The following FOXP2 variants were observed in gnomAD, a reference collection of about 807,000 sequenced individuals.
FOXP2 encodes the protein forkhead box P2, also known as forkhead box protein P2.
In FOXP2, 12 loss-of-function variants were observed where a neutral mutation model predicts 115.8. That is an observed-to-expected ratio of 0.10 (90% CI 0.07 to 0.17). The LOEUF is 0.17. Among genes scored for constraint, FOXP2 ranks in the 10% least tolerant of loss-of-function variants. The probability of loss-of-function intolerance (pLI) is 1.00; values close to 1 mark genes in which losing one functional copy is unlikely to be tolerated. For missense variants in FOXP2, 629 were observed against 843.5 expected (o/e 0.75, Z 3.15); for synonymous variants, 328 against 297.7 (o/e 1.10, Z -1.05).
intron 1 of FOXP2, among the ~76,000 whole-genome samples, chr7:114,098,416 A>T (rs2129140221): frequency 1.3e-5 from 2 of 152,348 alleles, no homozygotes; most frequent in South Asian, 4.1e-4. Context: ...GAGCCTGGAA[A>T]TAAATCCAAA....
intron 2 of FOXP2, among the ~76,000 whole-genome samples, chr7:114,491,847 A>G (rs2129244411): frequency 6.6e-6 from 1 of 152,260 alleles, no homozygotes; most frequent in East Asian, 1.9e-4. Context: ...ATCGATGTTC[A>G]TCAGGGATAT....
intron 2 of FOXP2, among the ~76,000 whole-genome samples, chr7:114,441,897 A>G (rs949804694): frequency 6.6e-6 from 1 of 152,184 alleles, no homozygotes; most frequent in East Asian, 1.9e-4. Flanking sequence ...AGGAACTCTC[A>G]TTAGTTTTAG....
At chr7:114,117,863 T>A (rs187217243) in intron 1 of FOXP2, among the ~76,000 whole-genome samples, 1 of 152,266 alleles carries the variant, frequency 6.6e-6, no homozygotes, top group East Asian at 1.9e-4. Context: ...GTTTGCAGAC[T>A]GAAGGCTTCT....
chr7:114,143,680 C>A (rs966587837), intron 1 of FOXP2, among the ~76,000 whole-genome samples: 3 of 152,132 alleles, frequency 2.0e-5, no homozygotes, highest in Non-Finnish European at 4.4e-5. Flanking sequence ...TGTTCACATT[C>A]CATTGGTAAA....
At chr7:114,244,863 G>A (rs1795239336) in intron 1 of FOXP2, among the ~76,000 whole-genome samples, 1 of 151,782 alleles carries the variant, frequency 6.6e-6, no homozygotes, top group African/African-American at 2.4e-5. Context: ...CCGGGTTCAC[G>A]CCATTCTCCT....
At chr7:114,188,449 A>G (rs1241283913) in intron 1 of FOXP2, among the ~76,000 whole-genome samples, 2 of 151,998 alleles carry the variant, frequency 1.3e-5, no homozygotes, top group East Asian at 3.9e-4. Context: ...TGCTCCTTAT[A>G]CTTTGGGTCT....
chr7:114,173,063 A>C (rs1469816382), intron 1 of FOXP2, among the ~76,000 whole-genome samples: 1 of 151,954 alleles, frequency 6.6e-6, no homozygotes, highest in Admixed American at 6.6e-5. Flanking sequence ...TATATATTAC[A>C]TTAAATATAA....
chr7:114,581,148 CGTTTATTT>C (rs1039466653), intron 3 of FOXP2, among the ~76,000 whole-genome samples: 5 of 140,052 alleles, frequency 3.6e-5, no homozygotes, highest in Non-Finnish European at 7.6e-5. Flanking sequence ...TATCTTCTTC[CGTTTATTT>C]ATTTATTTAT....
At chr7:114,269,977 A>G (rs989202521) in intron 1 of FOXP2, among the ~76,000 whole-genome samples, 4 of 152,320 alleles carry the variant, frequency 2.6e-5, no homozygotes, top group Non-Finnish European at 5.9e-5. Flanking sequence ...TGATTTAACC[A>G]CATTCATCCA....
chr7:114,105,419 G>T (rs1334254166), intron 1 of FOXP2, among the ~76,000 whole-genome samples: 1 of 152,036 alleles, frequency 6.6e-6, no homozygotes, highest in African/African-American at 2.4e-5. Context: ...CATAGAAAAA[G>T]AATGTTCTAA....
At chr7:114,534,730 G>T (rs758352326) in intron 3 of FOXP2, 24 bp downstream of exon 3, 1 of 1,579,236 alleles carries the variant, frequency 6.3e-7, no homozygotes, top group African/African-American at 1.4e-5. Context: ...TCCTGTCCTT[G>T]GGGTCTTATT....
chr7:114,344,625 G>T (rs556286009), intron 2 of FOXP2, among the ~76,000 whole-genome samples: 1 of 151,786 alleles, frequency 6.6e-6, no homozygotes, highest in Admixed American at 6.6e-5. Context: ...CAGATTGACC[G>T]TAGACATATT....
At chr7:114,559,699 G>A (rs558772083) in intron 3 of FOXP2, among the ~76,000 whole-genome samples, 86 of 150,218 alleles carry the variant, frequency 5.7e-4, no homozygotes, top group African/African-American at 1.1e-3. Flanking sequence ...TGGCTAACAC[G>A]GTGAAACCCC....
At chr7:114,328,374 C>G (rs995225444) in intron 2 of FOXP2, among the ~76,000 whole-genome samples, 2 of 151,642 alleles carry the variant, frequency 1.3e-5, no homozygotes, top group African/African-American at 4.8e-5. Context: ...GTAGCTGGGA[C>G]TACAGGTGCC....
intron 3 of FOXP2, among the ~76,000 whole-genome samples, chr7:114,536,500 G>T (rs1799406246): frequency 6.8e-6 from 1 of 146,298 alleles, no homozygotes; most frequent in Non-Finnish European, 1.5e-5. Context: ...ACCCACAATA[G>T]AATGTGGGAA....
At chr7:114,290,358 A>T (rs922136224) in intron 2 of FOXP2, among the ~76,000 whole-genome samples, 3 of 152,072 alleles carry the variant, frequency 2.0e-5, no homozygotes, top group Non-Finnish European at 2.9e-5. Flanking sequence ...ATAGTTAGGC[A>T]TGTGGGTGGA....
At chr7:114,536,553 T>C (rs1336906485) in intron 3 of FOXP2, among the ~76,000 whole-genome samples, 1 of 151,384 alleles carries the variant, frequency 6.6e-6, no homozygotes, top group Admixed American at 6.6e-5. Flanking sequence ...TGTTTATCAA[T>C]GCAGAAGTAA....
chr7:114,585,846 G>A (rs1031316879), intron 3 of FOXP2, among the ~76,000 whole-genome samples: 3 of 152,122 alleles, frequency 2.0e-5, no homozygotes, highest in African/African-American at 7.2e-5. Context: ...ACAAGATAGT[G>A]TGCAAATGCA....
intron 1 of FOXP2, 131 bp downstream of exon 1, chr7:114,415,491 A>G (rs977979542): frequency 5.5e-6 from 2 of 361,144 alleles, no homozygotes; most frequent in Admixed American, 7.6e-5. Context: ...CATTGAAATG[A>G]ACTAGAGCAT....
Sources: allele counts gnomAD v4.1 joint callset (sites outside exome capture counted in the v4.1 genomes callset), GRCh38; gene constraint gnomAD v4.1.1; transcripts MANE v1.5; gene names NCBI Gene and HGNC (gene_info 2026-07-23, HGNC 2026-07-21).